Variants in MALRD1 observed in about 807,000 individuals in gnomAD.
MALRD1 encodes the protein MAM and LDL-receptor class A domain-containing protein 1.
A neutral mutation model predicts 242.1 loss-of-function variants in MALRD1; 247 were observed. That is an observed-to-expected ratio of 1.02 (90% CI 0.92 to 1.13). The LOEUF (loss-of-function observed/expected upper bound fraction) is 1.13. Ranked by LOEUF, MALRD1 falls within the 50% of genes most tolerant of loss-of-function variation. The pLI, the probability that MALRD1 is intolerant of heterozygous loss-of-function variation, is 0.00. For synonymous variants in MALRD1, 995 were observed against 866.6 expected, an observed-to-expected ratio of 1.15 and a Z score of -2.60; for missense variants, 2,989 against 2,533.1, an observed-to-expected ratio of 1.18 and a Z score of -3.86.
At chr10:19,420,283 AG>A (rs1247668969) in intron 28 of MALRD1, among the ~76,000 whole-genome samples, 2 of 152,082 alleles carry the variant, frequency 1.3e-5, no homozygotes, top group African/African-American at 2.4e-5. Flanking sequence ...GGAATGAGTC[AG>A]GGTGGAGTAG....
At chr10:19,328,987 T>C (rs1843249266) in intron 23 of MALRD1, among the ~76,000 whole-genome samples, 1 of 152,218 alleles carries the variant, frequency 6.6e-6, no homozygotes, top group South Asian at 2.1e-4. Flanking sequence ...TCTGTGCATG[T>C]AAAATATTTG....
intron 32 of MALRD1, among the ~76,000 whole-genome samples, chr10:19,537,041 C>G (rs7092917): frequency 0.82 from 125,392 of 152,112 alleles, 51,940 homozygotes; most frequent in East Asian, 0.89. Context: ...TAATGAAAAA[C>G]CTCCCATGTA....
At chr10:19,496,346 A>T (rs1157864208) in intron 30 of MALRD1, among the ~76,000 whole-genome samples, 1 of 152,198 alleles carries the variant, frequency 6.6e-6, no homozygotes, top group Non-Finnish European at 1.5e-5. Flanking sequence ...ATTCCAAAAA[A>T]ACAAAATTAT....
chr10:19,424,530 C>T (rs952155152), intron 28 of MALRD1, among the ~76,000 whole-genome samples: 4 of 152,154 alleles, frequency 2.6e-5, no homozygotes, highest in African/African-American at 9.7e-5. Flanking sequence ...AAAATACTCA[C>T]TTTTCTACAC....
intron 29 of MALRD1, among the ~76,000 whole-genome samples, chr10:19,476,574 C>G (rs1380815109): frequency 6.6e-6 from 1 of 152,058 alleles, no homozygotes. Flanking sequence ...GATGAACTGC[C>G]TTGCTGGTGT....
At chr10:19,621,899 A>G (rs1269671218) in intron 36 of MALRD1, among the ~76,000 whole-genome samples, 1 of 151,962 alleles carries the variant, frequency 6.6e-6, no homozygotes, top group Non-Finnish European at 1.5e-5. Flanking sequence ...AAACAAAGAA[A>G]CAAAGAAAAC....
At chr10:19,631,779 T>C (rs1453620564) in intron 36 of MALRD1, among the ~76,000 whole-genome samples, 1 of 152,190 alleles carries the variant, frequency 6.6e-6, no homozygotes, top group African/African-American at 2.4e-5. Context: ...GTTGCCTGCA[T>C]GTATGTCTTC....
chr10:19,396,535 G>C (rs1034138029), intron 28 of MALRD1, among the ~76,000 whole-genome samples: 10 of 152,048 alleles, frequency 6.6e-5, no homozygotes, highest in Non-Finnish European at 1.5e-4. Context: ...TAATTTTACA[G>C]ACCACAAAAT....
At chr10:19,364,933 T>C (rs2130720216) in intron 26 of MALRD1, among the ~76,000 whole-genome samples, 1 of 152,278 alleles carries the variant, frequency 6.6e-6, no homozygotes, top group South Asian at 2.1e-4. Context: ...TATTGGGGAT[T>C]AGCATATTAT....
intron 11 of MALRD1, among the ~76,000 whole-genome samples, chr10:19,147,670 G>A (rs542556703): frequency 5.6e-4 from 86 of 152,276 alleles, no homozygotes; most frequent in African/African-American, 1.6e-3. Context: ...GTCTCAGTCT[G>A]GTAGCTTAAG....
intron 28 of MALRD1, among the ~76,000 whole-genome samples, chr10:19,432,610 A>G (rs1472584676): frequency 6.6e-6 from 1 of 152,206 alleles, no homozygotes; most frequent in Non-Finnish European, 1.5e-5. Flanking sequence ...GTCCTCATGA[A>G]TCTTAAATTG....
At chr10:19,582,658 A>G (rs1276292005) in intron 33 of MALRD1, among the ~76,000 whole-genome samples, 2 of 131,870 alleles carry the variant, frequency 1.5e-5, no homozygotes, top group South Asian at 2.5e-4. Flanking sequence ...AGGTAGTGTG[A>G]TGCCTCCAGC....
intron 32 of MALRD1, among the ~76,000 whole-genome samples, chr10:19,533,990 T>C (rs572381058): frequency 2.6e-5 from 4 of 152,192 alleles, no homozygotes; most frequent in African/African-American, 9.7e-5. Flanking sequence ...TAGACTAGGC[T>C]TGGGGCTGTT....
intron 26 of MALRD1, among the ~76,000 whole-genome samples, chr10:19,365,493 C>T (rs778812895): frequency 6.6e-5 from 10 of 151,916 alleles, no homozygotes; most frequent in Non-Finnish European, 1.3e-4. Context: ...AATTGTCACA[C>T]CTTTTAAGCA....
intron 18 of MALRD1, among the ~76,000 whole-genome samples, chr10:19,224,275 G>T (rs553152828): frequency 8.1e-5 from 12 of 148,502 alleles, no homozygotes; most frequent in Middle Eastern, 3.4e-3. Context: ...TTGGACCAGG[G>T]ATGATGAGCT....
At chr10:19,664,075 CCTTCT>C in intron 36 of MALRD1, among the ~76,000 whole-genome samples, 1 of 151,998 alleles carries the variant, frequency 6.6e-6, no homozygotes. Context: ...GAACAATTTG[CCTTCT>C]CTTCTCTACC....
intron 33 of MALRD1, among the ~76,000 whole-genome samples, chr10:19,578,415 G>A (rs2131498117): frequency 6.6e-6 from 1 of 152,290 alleles, no homozygotes; most frequent in Middle Eastern, 3.4e-3. Context: ...CCAGCTTCCA[G>A]GTACAGTGGC....
At chr10:19,143,562 T>C (rs1833621366) in intron 10 of MALRD1, among the ~76,000 whole-genome samples, 1 of 152,156 alleles carries the variant, frequency 6.6e-6, no homozygotes, top group South Asian at 2.1e-4. Context: ...TTAATTATTA[T>C]ACTAGGACAA....
chr10:19,248,493 T>C (rs1310670773), intron 18 of MALRD1, among the ~76,000 whole-genome samples: 1 of 151,966 alleles, frequency 6.6e-6, no homozygotes, highest in Non-Finnish European at 1.5e-5. Context: ...GAATTAATAG[T>C]TTTTTAAATA....
Sources: gnomAD v4.1 joint callset for allele counts (sites outside exome capture counted in the v4.1 genomes callset) on GRCh38, gnomAD v4.1.1 for gene constraint, MANE v1.5 for transcripts, NCBI Gene and HGNC (gene_info 2026-07-23, HGNC 2026-07-21) for gene names.